EML1: variants seen among roughly 807,000 people sequenced by gnomAD.
The protein encoded by EML1 is echinoderm microtubule-associated protein-like 1.
In EML1, 27 loss-of-function variants were observed where a neutral mutation model predicts 110.4. That is an observed-to-expected ratio of 0.24 (90% CI 0.18 to 0.34). EML1 has a LOEUF of 0.34. Among genes scored for constraint, EML1 ranks in the 10% least tolerant of loss-of-function variants. The pLI, the probability that EML1 is intolerant of heterozygous loss-of-function variation, is 1.00. For missense variants in EML1, 741 were observed against 1,030.9 expected, an observed-to-expected ratio of 0.72 and a Z score of 3.85; for synonymous variants, 344 against 385.8, an observed-to-expected ratio of 0.89 and a Z score of 1.27.
At chr14:99,925,112 C>CG (rs954125859) in intron 17 of EML1, among the ~76,000 whole-genome samples, 4 of 151,974 alleles carry the variant, frequency 2.6e-5, no homozygotes, top group African/African-American at 9.7e-5. Flanking sequence ...AGTGTTCTCT[C>CG]CTCTGTTTTC....
chr14:99,837,666 C>G (rs1566890749), intron 1 of EML1, among the ~76,000 whole-genome samples: 1 of 152,186 alleles, frequency 6.6e-6, no homozygotes, highest in Non-Finnish European at 1.5e-5. Context: ...TCTTCCATAG[C>G]CGAACATATC....
intron 20 of EML1, among the ~76,000 whole-genome samples, chr14:99,938,809 CAA>C (rs1443148166): frequency 2.0e-5 from 3 of 152,218 alleles, no homozygotes; most frequent in Admixed American, 6.5e-5. Context: ...ACAGCAATAA[CAA>C]GGAAACTGCA....
chr14:99,738,516 G>A (rs1010645174), intron 1 of EML1, among the ~76,000 whole-genome samples: 4 of 152,208 alleles, frequency 2.6e-5, no homozygotes, highest in Non-Finnish European at 5.9e-5. Context: ...AGCCAGCCTT[G>A]GCGGAATGGG....
intron 1 of EML1, among the ~76,000 whole-genome samples, chr14:99,826,374 C>T (rs1019118318): frequency 1.3e-5 from 2 of 152,102 alleles, no homozygotes; most frequent in African/African-American, 4.8e-5. Context: ...CAGCCTCCCA[C>T]AGTGCTGGGA....
chr14:99,780,394 C>T (rs1595271186), intron 1 of EML1, among the ~76,000 whole-genome samples: 1 of 152,220 alleles, frequency 6.6e-6, no homozygotes, highest in South Asian at 2.1e-4. Context: ...TGGTTGGCTG[C>T]CCACCCTTGC....
intron 1 of EML1, among the ~76,000 whole-genome samples, chr14:99,826,165 T>C (rs1222448841): frequency 4.3e-5 from 6 of 138,938 alleles, no homozygotes; most frequent in African/African-American, 1.7e-4. Flanking sequence ...CAGGCTGGAG[T>C]GCAGTGGCGT....
At chr14:99,907,163 T>C (rs1394217296) in intron 9 of EML1, 1 of 154,054 alleles carries the variant, frequency 6.5e-6, no homozygotes, top group Non-Finnish European at 1.4e-5. Flanking sequence ...AAAGCATGTC[T>C]CAGCCAGGCC....
intron 1 of EML1, among the ~76,000 whole-genome samples, chr14:99,825,793 G>A (rs75247358): frequency 0.026 from 3,978 of 152,282 alleles, 82 homozygotes; most frequent in Non-Finnish European, 0.041. Flanking sequence ...CTCCTTCAGA[G>A]TGCTTGTAGA....
chr14:99,841,561 C>T (rs549438395), intron 1 of EML1, among the ~76,000 whole-genome samples: 1 of 152,274 alleles, frequency 6.6e-6, no homozygotes, highest in South Asian at 2.1e-4. Context: ...AGGACCCAGA[C>T]AGGGCAGTAT....
At chr14:99,927,822 G>A (rs1384715895) in intron 17 of EML1, among the ~76,000 whole-genome samples, 43 of 85,420 alleles carry the variant, frequency 5.0e-4, no homozygotes, top group Non-Finnish European at 6.8e-4. Flanking sequence ...GGGGGTGGTG[G>A]TGGTGGTGGT....
chr14:99,897,216 T>C lies in EML1; in HGVS notation c.749T>C (p.Ile250Thr). 6.2e-7 allele frequency: 1 copy of C among 1,613,132 alleles called. No individual in the cohort carries two copies. The highest frequency in any genetic ancestry group is 8.5e-7 in the Non-Finnish European group (1 of 1,179,596). The stretch of plus-strand genomic sequence containing the variant: ...CCGACGGGAGAGACCGTCTACTTCA[T>C]CGCATCCGTGGTGGTGTTATACAAC... ...LLPTGETVYF[I>T]ASVVVLYNVE... The change falls in exon 7 of 22, where the codon ATC becomes ACC. Residue 250 changes from isoleucine to threonine, a missense_variant. Physicochemically the swap from Ile to Thr is moderately conservative, Grantham distance 89. This residue lies in a region of EML1 where 388 missense variants were observed against 605.6 expected (regional missense o/e 0.64). Coordinates refer to ENST00000262233, the MANE Select transcript of EML1 (RefSeq NM_004434.3).
In EML1 at chr14:99,860,905, A is replaced by G. The variant is rs189798578; in HGVS notation, c.251-4609A>G. Among the ~76,000 whole-genome samples the G allele has an allele frequency of 5.9e-3, 891 of 151,784 alleles. 4 individuals are homozygous for G. The highest frequency in any genetic ancestry group is 0.011 in the South Asian group (54 of 4,806). ...TTCTACTTGCTTCTGATGCTACTCTATGATATTTTAAGATATAAAATATAC... is the reference window on the plus strand; with the variant it reads ...TTCTACTTGCTTCTGATGCTACTCTGTGATATTTTAAGATATAAAATATAC... On this transcript the variant is annotated intron_variant, in intron 2 of 21. Coordinates refer to ENST00000262233, the MANE Select transcript of EML1 (RefSeq NM_004434.3).
chr14:99,878,650 G>A (rs1566913455), intron 4 of EML1, 31 bp downstream of exon 4: 2 of 1,601,566 alleles, frequency 1.2e-6, no homozygotes, highest in East Asian at 2.2e-5. Flanking sequence ...AGTTCCTGCT[G>A]TTCAGATATG....
intron 8 of EML1, among the ~76,000 whole-genome samples, chr14:99,898,683 C>T (rs920114029): frequency 1.1e-4 from 16 of 149,338 alleles, no homozygotes; most frequent in Non-Finnish European, 1.9e-4. Context: ...ACCCGGGAGG[C>T]GGAGGTTGCA....
chr14:99,854,894 A>G (rs2139844651), intron 2 of EML1, among the ~76,000 whole-genome samples: 1 of 152,328 alleles, frequency 6.6e-6, no homozygotes, highest in South Asian at 2.1e-4. Context: ...AGCAGAATAC[A>G]GTGAACAGAC....
intron 1 of EML1, among the ~76,000 whole-genome samples, chr14:99,748,749 A>G (rs781413199): frequency 1.3e-5 from 2 of 152,236 alleles, no homozygotes; most frequent in Non-Finnish European, 2.9e-5. Context: ...TGCAACCATC[A>G]CCACAATCAA....
At chr14:99,806,675 A>T (rs1266085952) in intron 1 of EML1, among the ~76,000 whole-genome samples, 2 of 152,052 alleles carry the variant, frequency 1.3e-5, no homozygotes, top group Non-Finnish European at 2.9e-5. Flanking sequence ...CCAGTACAAG[A>T]CCACTCTCAA....
chr14:99,815,584 T>C (rs2058154541), intron 1 of EML1, among the ~76,000 whole-genome samples: 1 of 152,252 alleles, frequency 6.6e-6, no homozygotes, highest in Non-Finnish European at 1.5e-5. Context: ...TTTTTGACTT[T>C]GTTAAAATGA....
At chr14:99,878,897 C>T (rs1220175511) in intron 4 of EML1, among the ~76,000 whole-genome samples, 1 of 152,150 alleles carries the variant, frequency 6.6e-6, no homozygotes, top group East Asian at 1.9e-4. Context: ...TTCTTAGTAC[C>T]AAGTACCTAG....
Sources: allele counts gnomAD v4.1 joint callset (sites outside exome capture counted in the v4.1 genomes callset), GRCh38; gene constraint gnomAD v4.1.1; regional missense constraint gnomAD v4.1.1; transcripts MANE v1.5; gene names NCBI Gene and HGNC (gene_info 2026-07-23, HGNC 2026-07-21).